Variants in FAM107B observed in about 807,000 individuals in gnomAD.
The protein encoded by FAM107B is protein FAM107B.
A neutral mutation model predicts 31.5 loss-of-function variants in FAM107B; 21 were observed. The ratio of observed to expected loss-of-function variants is 0.67; its 90% CI spans 0.47 to 0.96. The LOEUF (loss-of-function observed/expected upper bound fraction) is 0.96. FAM107B is among the 40% of genes least tolerant of loss of function. FAM107B has a pLI of 0.00. For missense variants in FAM107B, 452 were observed against 377.1 expected, an observed-to-expected ratio of 1.20 and a Z score of -1.64; for synonymous variants, 157 against 141.5, an observed-to-expected ratio of 1.11 and a Z score of -0.78.
At chr10:14,629,059 T>G (rs1268113990) in intron 2 of FAM107B, among the ~76,000 whole-genome samples, 2 of 150,284 alleles carry the variant, frequency 1.3e-5, no homozygotes, top group Non-Finnish European at 3.0e-5. Flanking sequence ...GTTGTGGTAT[T>G]AAAAACTTGA....
At chr10:14,614,676 CAAAAAAAAAA>C (rs576366601) in intron 2 of FAM107B, among the ~76,000 whole-genome samples, 1 of 56,304 alleles carries the variant, frequency 1.8e-5, no homozygotes, top group African/African-American at 6.6e-5. Context: ...GACTCTGTCT[CAAAAAAAAAA>C]AAAAAAAAAG....
At chr10:14,694,020 G>C (rs1279886761) in intron 1 of FAM107B, among the ~76,000 whole-genome samples, 2 of 152,162 alleles carry the variant, frequency 1.3e-5, no homozygotes, top group Non-Finnish European at 2.9e-5. Context: ...TGCTCTCCGG[G>C]TTCATCTGTG....
At chr10:14,561,646 A>C (rs1850252819) in intron 2 of FAM107B, among the ~76,000 whole-genome samples, 1 of 152,232 alleles carries the variant, frequency 6.6e-6, no homozygotes, top group Non-Finnish European at 1.5e-5. Flanking sequence ...CAATACAATG[A>C]TAATAACACT....
intron 1 of FAM107B, among the ~76,000 whole-genome samples, chr10:14,705,768 G>A (rs2131530329): frequency 6.6e-6 from 1 of 152,178 alleles, no homozygotes; most frequent in East Asian, 1.9e-4. Flanking sequence ...TTTGCAAGAC[G>A]AAAGAGTTCT....
At chr10:14,728,516 G>C (rs1232303035) in intron 1 of FAM107B, among the ~76,000 whole-genome samples, 1 of 152,160 alleles carries the variant, frequency 6.6e-6, no homozygotes, top group Non-Finnish European at 1.5e-5. Flanking sequence ...GGACCAGCAG[G>C]GGTAATTTTT....
At chr10:14,558,259 ACAGT>A (rs1275139128) in intron 2 of FAM107B, among the ~76,000 whole-genome samples, 5 of 151,844 alleles carry the variant, frequency 3.3e-5, no homozygotes, top group Admixed American at 1.3e-4. Flanking sequence ...GTGCACGCGC[ACAGT>A]CACACATACG....
intron 2 of FAM107B, among the ~76,000 whole-genome samples, chr10:14,605,962 C>G (rs1372327874): frequency 6.6e-6 from 1 of 152,204 alleles, no homozygotes; most frequent in Non-Finnish European, 1.5e-5. Flanking sequence ...GCAGGGGTTT[C>G]CTAACTGGCC....
intron 3 of FAM107B, among the ~76,000 whole-genome samples, chr10:14,523,205 G>A (rs1845853154): frequency 6.6e-6 from 1 of 152,204 alleles, no homozygotes; most frequent in Admixed American, 6.5e-5. Context: ...CCAGAATGCT[G>A]GATTATCCAG....
chr10:14,729,235 G>A (rs1397554897), intron 1 of FAM107B, among the ~76,000 whole-genome samples: 1 of 152,020 alleles, frequency 6.6e-6, no homozygotes, highest in Non-Finnish European at 1.5e-5. Context: ...CTGACCTGAA[G>A]CAATCCTCCT....
intron 1 of FAM107B, among the ~76,000 whole-genome samples, chr10:14,716,233 C>T (rs1311394751): frequency 6.6e-6 from 1 of 152,156 alleles, no homozygotes; most frequent in Admixed American, 6.5e-5. Flanking sequence ...GTCACTCAGC[C>T]CTTAGTTGGG....
At chr10:14,690,595 G>C (rs2601741) in intron 1 of FAM107B, among the ~76,000 whole-genome samples, 64,124 of 151,600 alleles carry the variant, frequency 0.42, 13,846 homozygotes, top group African/African-American at 0.51. Flanking sequence ...TGGGACTACA[G>C]TTGCGCGCCA....
intron 2 of FAM107B, among the ~76,000 whole-genome samples, chr10:14,656,094 C>T (rs949574606): frequency 1.1e-4 from 16 of 152,250 alleles, no homozygotes; most frequent in Admixed American, 6.5e-4. Flanking sequence ...TTCCATAAAG[C>T]GCTGTGCAGG....
intron 2 of FAM107B, among the ~76,000 whole-genome samples, chr10:14,567,642 C>T (rs1026597913): frequency 3.3e-5 from 5 of 152,030 alleles, no homozygotes; most frequent in Admixed American, 6.6e-5. Context: ...GATTCCAGTG[C>T]GTTGACAAGC....
intron 2 of FAM107B, among the ~76,000 whole-genome samples, chr10:14,532,963 TG>T (rs201402710): frequency 1.3e-5 from 2 of 151,784 alleles, no homozygotes; most frequent in Non-Finnish European, 2.9e-5. Flanking sequence ...GGAGGGTGCC[TG>T]GGGGGGATGA....
rs11276189 is a variant in FAM107B, at chr10:14,737,766, T to TTCTCTCTCTCTCTCTCTCTCTCTC, written c.411+36463_411+36486dup. On this transcript the variant is annotated intron_variant, in intron 1 of 4. Coordinates refer to ENST00000181796, the MANE Select transcript of FAM107B (RefSeq NM_031453.4). ...CCATGCAGTGCTGTGCGTGCACGCT[T>TTCTCTCTCTCTCTCTCTCTCTCTC]TCTCTCTCTCTCTCTCTCTCTCTCT... Among the ~76,000 whole-genome samples, 1,264 of 126,996 alleles carry TTCTCTCTCTCTCTCTCTCTCTCTC rather than the reference T, an allele frequency of 1.0e-2. 76 individuals carry two copies. Among genetic ancestry groups the TTCTCTCTCTCTCTCTCTCTCTCTC allele is most frequent in the East Asian group, 0.027 (106 of 3,860 alleles). The allele number at this position is 126,996 out of a possible 152,430, so 83.3% of individuals were successfully genotyped here. A position where few individuals can be genotyped will look rare whatever the true frequency, so the allele number is the denominator to read the frequency against.
At chr10:14,596,882 C>T (rs896111400) in intron 2 of FAM107B, among the ~76,000 whole-genome samples, 1 of 152,138 alleles carries the variant, frequency 6.6e-6, no homozygotes, top group Non-Finnish European at 1.5e-5. Flanking sequence ...TTCTATCTCA[C>T]CCTAAGACAA....
intron 1 of FAM107B, among the ~76,000 whole-genome samples, chr10:14,675,578 C>A (rs1268356438): frequency 2.6e-5 from 4 of 152,182 alleles, no homozygotes; most frequent in Admixed American, 2.6e-4. Flanking sequence ...GGAGACCCAA[C>A]CCTTTCCAAG....
chr10:14,567,767 G>A (rs890482640), intron 2 of FAM107B, among the ~76,000 whole-genome samples: 3 of 152,328 alleles, frequency 2.0e-5, no homozygotes, highest in Non-Finnish European at 4.4e-5. Flanking sequence ...TCTGTCAGCT[G>A]AGCTGAAGGA....
rs35574582 is a variant in FAM107B, at chr10:14,762,754, TCACACACACACA to T, written c.411+11487_411+11498del. On this transcript the variant is annotated intron_variant, in intron 1 of 4. Coordinates refer to ENST00000181796, the MANE Select transcript of FAM107B (RefSeq NM_031453.4). The stretch of plus-strand genomic sequence containing the variant: ...CTGGGAGACAGAGTGAAACTCTGTC[TCACACACACACA>T]CACACACACACACACACACACACAC... Among the ~76,000 whole-genome samples the T allele has an allele frequency of 1.8e-3, 210 of 116,238 alleles. 3 individuals are homozygous for T. The highest frequency in any genetic ancestry group is 7.0e-3 in the African/African-American group (190 of 26,988). The allele number at this position is 116,238 out of a possible 152,430, so 76.3% of individuals were successfully genotyped here.
Sources: allele counts gnomAD v4.1 joint callset (sites outside exome capture counted in the v4.1 genomes callset), GRCh38; gene constraint gnomAD v4.1.1; transcripts MANE v1.5; gene names NCBI Gene and HGNC (gene_info 2026-07-23, HGNC 2026-07-21).